The following ZNF385D variants were observed in gnomAD, a reference collection of about 807,000 sequenced individuals.
ZNF385D encodes zinc finger protein 385D, also known as zinc finger protein 659.
A neutral mutation model predicts 35.8 loss-of-function variants in ZNF385D; 15 were observed. The observed-to-expected ratio is 0.42, with a 90% CI of 0.28 to 0.64. The LOEUF (loss-of-function observed/expected upper bound fraction) is 0.64, where lower values mean the gene tolerates loss of function less well. ZNF385D is among the 30% of genes least tolerant of loss of function. ZNF385D has a pLI of 0.23. For missense variants in ZNF385D, 474 were observed against 494.6 expected (o/e 0.96, Z 0.39); for synonymous variants, 212 against 186.8 (o/e 1.13, Z -1.10).
At chr3:22,271,980 A>G (rs1346714968) in intron 2 of ZNF385D, among the ~76,000 whole-genome samples, 1 of 152,074 alleles carries the variant, frequency 6.6e-6, no homozygotes, top group East Asian at 1.9e-4. Context: ...ATACTCTCTC[A>G]GCAATCATGT....
chr3:21,937,129 T>C (rs1303157812), intron 3 of ZNF385D, among the ~76,000 whole-genome samples: 2 of 152,008 alleles, frequency 1.3e-5, no homozygotes, highest in Non-Finnish European at 1.5e-5. Context: ...TTTTTTGAGA[T>C]GGAAAAAAAT....
At chr3:22,107,910 G>A (rs1702309279) in intron 3 of ZNF385D, among the ~76,000 whole-genome samples, 1 of 151,866 alleles carries the variant, frequency 6.6e-6, no homozygotes, top group African/African-American at 2.4e-5. Context: ...GCCCATAATA[G>A]GTGATTAGGC....
At chr3:21,435,255 AT>A (rs3064965) in intron 5 of ZNF385D, among the ~76,000 whole-genome samples, 1,341 of 113,366 alleles carry the variant, frequency 0.012, 5 homozygotes, top group Non-Finnish European at 0.016. Flanking sequence ...ACAACTCCCA[AT>A]TTTTTTTTTT....
chr3:21,425,315 A>G (rs1486277758), intron 6 of ZNF385D, among the ~76,000 whole-genome samples, 177 bp downstream of exon 6: 8 of 152,208 alleles, frequency 5.3e-5, no homozygotes. Context: ...AATAAGTATA[A>G]ATAAATCAGA....
chr3:22,117,145 T>C (rs1432022409), intron 3 of ZNF385D, among the ~76,000 whole-genome samples: 1 of 152,030 alleles, frequency 6.6e-6, no homozygotes, highest in Admixed American at 6.6e-5. Context: ...ATCTAAAACA[T>C]ACTTATGTTA....
rs115714610 is a variant in ZNF385D at position 21,656,261 on chromosome 3, T to C, written c.165+8625A>G. On this transcript the variant is annotated intron_variant, in intron 2 of 7. Transcript: ENST00000281523. ...CAGATGGCTCTAAATATCCTTTTCCTATTAAGGGTTGTCATAATAATACCA... is the reference window on the plus strand; with the variant it reads ...CAGATGGCTCTAAATATCCTTTTCCCATTAAGGGTTGTCATAATAATACCA... Among the ~76,000 whole-genome samples the C allele has an allele frequency of 3.9e-3, 594 of 152,106 alleles. 2 individuals are homozygous for C. Among genetic ancestry groups the C allele is most frequent in the African/African-American group, 0.014 (569 of 41,566 alleles).
At chr3:21,536,559 G>C (rs1393862130) in intron 3 of ZNF385D, among the ~76,000 whole-genome samples, 1 of 152,022 alleles carries the variant, frequency 6.6e-6, no homozygotes, top group Non-Finnish European at 1.5e-5. Context: ...TATTTATTTG[G>C]TCATTAATTT....
At chr3:21,658,322 T>C (rs1012039656) in intron 2 of ZNF385D, among the ~76,000 whole-genome samples, 1 of 152,066 alleles carries the variant, frequency 6.6e-6, no homozygotes, top group Non-Finnish European at 1.5e-5. Flanking sequence ...ATGAGCCAAC[T>C]TAAAATTACA....
At chr3:21,746,115 A>G (rs2069757614) in intron 1 of ZNF385D, among the ~76,000 whole-genome samples, 3 of 152,232 alleles carry the variant, frequency 2.0e-5, no homozygotes, top group Admixed American at 2.0e-4. Context: ...CGTTCAGTCA[A>G]AAGCAACTGT....
At chr3:21,561,035 A>G (rs987985993) in intron 3 of ZNF385D, among the ~76,000 whole-genome samples, 1 of 152,136 alleles carries the variant, frequency 6.6e-6, no homozygotes, top group Non-Finnish European at 1.5e-5. Context: ...TCAGACTGCC[A>G]TGCTGACAGC....
intron 3 of ZNF385D, among the ~76,000 whole-genome samples, chr3:21,989,143 C>G (rs910792388): frequency 6.6e-6 from 1 of 152,108 alleles, no homozygotes; most frequent in African/African-American, 2.4e-5. Context: ...AGCTGTAGAC[C>G]GGAGCTGTTC....
rs1380691908 is a variant in ZNF385D at position 21,421,293 on chromosome 3, G to C, written c.1109C>G (p.Ala370Gly). The change falls in exon 8 of 8, where the codon GCG becomes GGG. Residue 370 changes from alanine (A) to glycine (G), a missense_variant. Physicochemically the swap from Ala to Gly is moderately conservative, Grantham distance 60. Transcript: ENST00000281523. The part of the protein sequence containing the change: ...APAATLFQTS[A>G]LPPALLRPAP... ...TGGCCGCAGGAGTGCCGGAGGAAGC[G>C]CGGAAGTCTGGAACAGTGTTGCTGC... is the stretch of plus-strand genomic sequence containing the variant. 1 of 1,614,050 alleles carries C rather than the reference G, an allele frequency of 6.2e-7. No individual in the cohort carries two copies. Among genetic ancestry groups the C allele is most frequent in the Non-Finnish European group, 8.5e-7 (1 of 1,179,996 alleles).
At chr3:22,113,717 A>T (rs1203206582) in intron 3 of ZNF385D, among the ~76,000 whole-genome samples, 2 of 152,060 alleles carry the variant, frequency 1.3e-5, no homozygotes, top group Non-Finnish European at 2.9e-5. Flanking sequence ...AGATACACAG[A>T]TACAAATATA....
chr3:21,877,157 C>T (rs1698023363), intron 3 of ZNF385D, among the ~76,000 whole-genome samples: 1 of 152,192 alleles, frequency 6.6e-6, no homozygotes, highest in African/African-American at 2.4e-5. Flanking sequence ...AACACCAAAA[C>T]ACTGAGACTC....
At chr3:21,794,404 G>C (rs760027302) in intron 3 of ZNF385D, among the ~76,000 whole-genome samples, 2 of 151,980 alleles carry the variant, frequency 1.3e-5, no homozygotes, top group Non-Finnish European at 2.9e-5. Flanking sequence ...TGAAACGACA[G>C]AAAACACAGT....
intron 4 of ZNF385D, among the ~76,000 whole-genome samples, chr3:21,501,448 G>A (rs911739486): frequency 6.6e-6 from 1 of 152,214 alleles, no homozygotes; most frequent in Non-Finnish European, 1.5e-5. Context: ...ATATTTGTCT[G>A]AGTTTGGGTT....
chr3:22,096,457 A>G (rs1410715678), intron 3 of ZNF385D, among the ~76,000 whole-genome samples: 2 of 152,122 alleles, frequency 1.3e-5, no homozygotes, highest in South Asian at 2.1e-4. Flanking sequence ...GGCTATAGTC[A>G]AAATTTGATT....
intron 1 of ZNF385D, among the ~76,000 whole-genome samples, chr3:21,714,160 A>G (rs528314477): frequency 1.3e-5 from 2 of 152,054 alleles, no homozygotes; most frequent in African/African-American, 4.8e-5. Flanking sequence ...AACTGTGCCC[A>G]TAATAACTGC....
At chr3:22,036,715 T>G (rs1013854853) in intron 3 of ZNF385D, among the ~76,000 whole-genome samples, 6 of 150,442 alleles carry the variant, frequency 4.0e-5, no homozygotes, top group Non-Finnish European at 8.8e-5. Flanking sequence ...CTAGGTTTTT[T>G]TTTTTTTTTT....
Sources: allele counts gnomAD v4.1 joint callset (sites outside exome capture counted in the v4.1 genomes callset), GRCh38; gene constraint gnomAD v4.1.1; transcripts MANE v1.5; gene names NCBI Gene and HGNC (gene_info 2026-07-23, HGNC 2026-07-21).